The following PTCHD4 variants were observed in gnomAD, a reference collection of about 807,000 sequenced individuals.
The protein encoded by PTCHD4 is patched domain containing 4, also known as patched domain-containing protein 4.
Under a neutral mutation model 58.1 loss-of-function variants are expected in PTCHD4, and 33 were observed. The observed-to-expected ratio is 0.57, with a 90% CI of 0.43 to 0.76. The LOEUF is 0.76. PTCHD4 is among the 30% of genes least tolerant of loss of function. The pLI is 0.00. For synonymous variants in PTCHD4, 478 were observed against 409.6 expected (o/e 1.17, Z -2.02); for missense variants, 1,058 against 1,027.1 (o/e 1.03, Z -0.41).
intron 4 of PTCHD4, among the ~76,000 whole-genome samples, chr6:47,984,491 G>A (rs552824901): frequency 4.6e-5 from 7 of 152,102 alleles, no homozygotes; most frequent in African/African-American, 1.7e-4. Context: ...TCCCTCCCTA[G>A]ACATATGGGG....
chr6:48,021,713 T>C (rs1474749069), intron 3 of PTCHD4, among the ~76,000 whole-genome samples: 1 of 152,208 alleles, frequency 6.6e-6, no homozygotes, highest in Non-Finnish European at 1.5e-5. Flanking sequence ...TTATGTAGTT[T>C]GGAAACAGTA....
At chr6:47,914,042 T>C (rs1765152677) in intron 4 of PTCHD4, among the ~76,000 whole-genome samples, 1 of 152,172 alleles carries the variant, frequency 6.6e-6, no homozygotes, top group Non-Finnish European at 1.5e-5. Context: ...TCCAATGATC[T>C]GGCTATGCCA....
rs1240771679 is a variant in PTCHD4, at chr6:47,879,007, T to A, written c.1828A>T (p.Arg610Trp). The change falls in exon 5 of 5, where the codon AGG (arginine) becomes TGG (tryptophan). Residue 610 changes from arginine (R) to tryptophan (W), a missense_variant. Physicochemically the swap from Arg to Trp is moderately radical, Grantham distance 101. Coordinates refer to ENST00000339488, the MANE Select transcript of PTCHD4 (RefSeq NM_001384253.1). ...IIASRLYLVA[R>W]TSRDKQKEIT... ...TCTTTCTGCTTGTCTCTGCTAGTCCTGGCCACCAGATACAAGCGAGAAGCA... is the reference window on the plus strand; with the variant it reads ...TCTTTCTGCTTGTCTCTGCTAGTCCAGGCCACCAGATACAAGCGAGAAGCA... 1 of 1,613,462 alleles carries A rather than the reference T, an allele frequency of 6.2e-7. No individual in the cohort carries two copies. The highest frequency in any genetic ancestry group is 2.2e-5 in the East Asian group (1 of 44,856).
At position 47,865,420 on chromosome 6, in the gene PTCHD4, C is replaced by T. The variant is rs9381624; in HGVS notation, c.*12883G>A. ...TTACAAATGTTATAAAAATGGGCCA[C>T]GCTGCATGTCAAAACCACAGGAATG... On this transcript the variant is annotated 3_prime_UTR_variant, in exon 5 of 5. Transcript: ENST00000339488. Among the ~76,000 whole-genome samples, 101,125 of 151,666 alleles carry T rather than the reference C, an allele frequency of 0.67. 34,203 individuals carry two copies. The highest frequency in any genetic ancestry group is 0.78 in the East Asian group (4,011 of 5,124).
At chr6:47,993,701 T>C (rs1768365939) in intron 4 of PTCHD4, among the ~76,000 whole-genome samples, 1 of 152,100 alleles carries the variant, frequency 6.6e-6, no homozygotes. Flanking sequence ...AATTAGGCAA[T>C]GAATTAAAAC....
intron 4 of PTCHD4, among the ~76,000 whole-genome samples, chr6:47,947,872 T>A (rs184184276): frequency 6.6e-6 from 1 of 152,320 alleles, no homozygotes; most frequent in East Asian, 1.9e-4. Context: ...CGCCATTGTT[T>A]CTGTTCTTTC....
In PTCHD4 at chr6:47,865,679, C is replaced by T. The variant is rs1225881657; in HGVS notation, c.*12624G>A. On this transcript the variant is annotated 3_prime_UTR_variant, in exon 5 of 5. Coordinates refer to ENST00000339488, the MANE Select transcript of PTCHD4 (RefSeq NM_001384253.1). Reference sequence around the variant, plus strand: ...TTTCAGGCCAATATTACCTTCATTGCTGATGACCACAACAGCCTCCTAACT... The same window carrying T: ...TTTCAGGCCAATATTACCTTCATTGTTGATGACCACAACAGCCTCCTAACT... 1.3e-5 allele frequency among the ~76,000 whole-genome samples: 2 copies of T among 151,782 alleles called. No homozygotes were observed. The highest frequency in any genetic ancestry group is 4.8e-5 in the African/African-American group (2 of 41,370).
chr6:47,859,572 T>G lies in PTCHD4; in HGVS notation c.*18731A>C, dbSNP rs535058060. 6.6e-6 allele frequency among the ~76,000 whole-genome samples: 1 copy of G among 152,102 alleles called. No individual in the cohort carries two copies. The highest frequency in any genetic ancestry group is 2.1e-4 in the South Asian group (1 of 4,818). On this transcript the variant is annotated 3_prime_UTR_variant, in exon 5 of 5. Coordinates refer to ENST00000339488, the MANE Select transcript of PTCHD4 (RefSeq NM_001384253.1). ...TTTCCTTCCTTCCTTTGTCAAATATTTATTGAATGCCTAACATGTGCCTGG... is the reference window on the plus strand; with the variant it reads ...TTTCCTTCCTTCCTTTGTCAAATATGTATTGAATGCCTAACATGTGCCTGG...
intron 3 of PTCHD4, among the ~76,000 whole-genome samples, chr6:48,035,414 CA>C (rs1391967152): frequency 1.3e-5 from 2 of 152,044 alleles, no homozygotes; most frequent in African/African-American, 4.8e-5. Flanking sequence ...GTAGAACTGC[CA>C]GTTCTCTGAA....
chr6:48,068,719 C>T lies in PTCHD4; in HGVS notation c.6-78G>A. On this transcript the variant is annotated intron_variant, in intron 2 of 4. Transcript: ENST00000339488. The surrounding 1 kb of genome is among the most constrained non-coding windows in gnomAD (Gnocchi z 4.2). ...ATCCCACCCCCTGGGGCCAGTCCCC[C>T]CTCCCCACCGCCGCCGCCTCCCCAC... 4.3e-6 allele frequency: 6 copies of T among 1,394,256 alleles called. No individual in the cohort carries two copies. In the South Asian group the frequency reaches 8.6e-5, roughly 20 times the overall value. The allele number at this position is 1,394,256 out of a possible 1,614,324, so 86.4% of individuals were successfully genotyped here. A position where few individuals can be genotyped will look rare whatever the true frequency, so the allele number is the denominator to read the frequency against.
intron 3 of PTCHD4, among the ~76,000 whole-genome samples, chr6:48,067,515 C>T (rs1237660419): frequency 1.3e-5 from 2 of 152,126 alleles, no homozygotes; most frequent in Non-Finnish European, 2.9e-5. Flanking sequence ...GCTATGCAAA[C>T]ACCCATACAC....
At chr6:47,914,182 T>A (rs1765157125) in intron 4 of PTCHD4, among the ~76,000 whole-genome samples, 1 of 152,076 alleles carries the variant, frequency 6.6e-6, no homozygotes, top group Admixed American at 6.6e-5. Flanking sequence ...TCTTTACCAG[T>A]ATGTTTTGTG....
At chr6:48,106,983 C>T (rs1340148136) in intron 1 of PTCHD4, among the ~76,000 whole-genome samples, 7 of 152,258 alleles carry the variant, frequency 4.6e-5, no homozygotes, top group Middle Eastern at 3.4e-3. Flanking sequence ...ATTCCATGCT[C>T]GTGGGTAGGA....
At chr6:47,890,821 G>C (rs553685022) in intron 4 of PTCHD4, 63 of 860,672 alleles carry the variant, frequency 7.3e-5, no homozygotes, top group Non-Finnish European at 8.7e-5. Flanking sequence ...AGGATGGCTT[G>C]CTTTCCTGCT....
chr6:47,869,258 G>T lies in PTCHD4; in HGVS notation c.*9045C>A, dbSNP rs1649063494. Among the ~76,000 whole-genome samples, 1 of 151,712 alleles carries T rather than the reference G, an allele frequency of 6.6e-6. No individual in the cohort carries two copies. Among genetic ancestry groups the T allele is most frequent in the South Asian group, 2.1e-4 (1 of 4,830 alleles). ...ATAGCCCCTGAACAATTATGCCCCA[G>T]CTTGAAACTGTATAGCGTGCAGCCA... On this transcript the variant is annotated 3_prime_UTR_variant, in exon 5 of 5. Transcript: ENST00000339488.
At chr6:47,987,684 A>G (rs369592684) in intron 4 of PTCHD4, among the ~76,000 whole-genome samples, 50 of 152,278 alleles carry the variant, frequency 3.3e-4, no homozygotes, top group African/African-American at 1.1e-3. Context: ...TTATTGAGAT[A>G]CCTTCTCCAA....
chr6:47,924,665 C>T (rs1016696750), intron 4 of PTCHD4, among the ~76,000 whole-genome samples: 18 of 152,300 alleles, frequency 1.2e-4, no homozygotes, highest in African/African-American at 3.8e-4. Context: ...CTCAAAAGAA[C>T]GGGTTCAAGA....
Position 48,024,849 on chromosome 6 carries a change from G to T in PTCHD4, c.418-15735C>A, listed in dbSNP as rs1425348844. On this transcript the variant is annotated intron_variant, in intron 3 of 4. Transcript: ENST00000339488. ...GATCCTTCTATAATTAAAAGCATCTGGTGCAGGCATGAAGGAGCTTCTCAA... is the reference window on the plus strand; with the variant it reads ...GATCCTTCTATAATTAAAAGCATCTTGTGCAGGCATGAAGGAGCTTCTCAA... Among the ~76,000 whole-genome samples the T allele has an allele frequency of 2.6e-5, 4 of 152,198 alleles. No homozygotes were observed. In the East Asian group the frequency reaches 7.7e-4, roughly 29 times the overall value.
At position 47,890,807 on chromosome 6, in the gene PTCHD4, A is replaced by G. The variant is rs1431199623; in HGVS notation, c.899-10871T>C. The G allele has an allele frequency of 2.1e-5, 15 of 712,872 alleles. No individual in the cohort carries two copies. In the Admixed American group the frequency reaches 8.8e-4, roughly 42 times the overall value. 44.2% of individuals were successfully genotyped at this position (712,872 alleles called of 1,614,324 possible). A position where few individuals can be genotyped will look rare whatever the true frequency, so the allele number is the denominator to read the frequency against. ...TGAAGCACCACTGCAGAGCCAGCAC[A>G]CACAGGATGGCTTGCTTTCCTGCTC... is the stretch of plus-strand genomic sequence containing the variant. On this transcript the variant is annotated intron_variant, in intron 4 of 4. Transcript: ENST00000339488.
Sources: allele counts gnomAD v4.1 joint callset (sites outside exome capture counted in the v4.1 genomes callset), GRCh38; gene constraint gnomAD v4.1.1; non-coding constraint Gnocchi (gnomAD v3.1); transcripts MANE v1.5; gene names NCBI Gene and HGNC (gene_info 2026-07-23, HGNC 2026-07-21).